The following TMX2 variants were observed in gnomAD, a reference collection of about 807,000 sequenced individuals.
The protein encoded by TMX2 is thioredoxin related transmembrane protein 2.
Under a neutral mutation model 33.4 loss-of-function variants are expected in TMX2, and 20 were observed. The ratio of observed to expected loss-of-function variants is 0.60; its 90% confidence interval spans 0.42 to 0.87. TMX2 has a LOEUF of 0.87. Among genes scored for constraint, TMX2 ranks in the 40% least tolerant of loss-of-function variants. The pLI, the probability that TMX2 is intolerant of heterozygous loss-of-function variation, is 0.00. For missense variants in TMX2, 340 were observed against 370.7 expected, an observed-to-expected ratio of 0.92 and a Z score of 0.68; for synonymous variants, 166 against 140.7, an observed-to-expected ratio of 1.18 and a Z score of -1.27.
At chr11:57,716,415 G>T (rs1389214840) in intron 1 of TMX2, among the ~76,000 whole-genome samples, 1 of 123,862 alleles carries the variant, frequency 8.1e-6, no homozygotes, top group Non-Finnish European at 1.8e-5. Context: ...CCTCCCTCCC[G>T]GACGGGGCGG....
intron 1 of TMX2, among the ~76,000 whole-genome samples, chr11:57,716,347 A>AC (rs1209557112): frequency 1.1e-5 from 1 of 87,738 alleles, no homozygotes; most frequent in Admixed American, 1.2e-4. Flanking sequence ...CGGGGGGCTG[A>AC]CCCCCACACC....
chr11:57,716,765 C>G (rs1209838319), intron 1 of TMX2, among the ~76,000 whole-genome samples: 1 of 148,774 alleles, frequency 6.7e-6, no homozygotes, highest in Non-Finnish European at 1.5e-5. Flanking sequence ...CAGAGGGGCT[C>G]CTCACTTCCC....
At chr11:57,717,745 A>T (rs1947265491) in intron 1 of TMX2, among the ~76,000 whole-genome samples, 1 of 59,910 alleles carries the variant, frequency 1.7e-5, no homozygotes, top group Non-Finnish European at 2.5e-5. Context: ...GAGAGGGGAG[A>T]GGGGAGAGGG....
At chr11:57,717,717 G>GGGAGA (rs1565214311) in intron 1 of TMX2, among the ~76,000 whole-genome samples, 2 of 54,584 alleles carry the variant, frequency 3.7e-5, no homozygotes, top group African/African-American at 1.0e-4. Context: ...GGGAGACCGA[G>GGGAGA]AGGGAGAGGG....
chr11:57,729,318 G>A (rs1196543009), intron 1 of TMX2, among the ~76,000 whole-genome samples: 1 of 151,948 alleles, frequency 6.6e-6, no homozygotes, highest in African/African-American at 2.4e-5. Context: ...AGAGTTCTAG[G>A]TTCTGTTTTT....
intron 1 of TMX2, among the ~76,000 whole-genome samples, chr11:57,732,639 T>G (rs532707526): frequency 6.6e-6 from 1 of 152,294 alleles, no homozygotes; most frequent in South Asian, 2.1e-4. Context: ...CCAATTTTTG[T>G]TTTTCTGGAA....
intron 1 of TMX2, among the ~76,000 whole-genome samples, chr11:57,724,027 AT>A (rs1385244953): frequency 1.3e-5 from 2 of 152,084 alleles, no homozygotes; most frequent in Admixed American, 1.3e-4. Context: ...ATGTAAAGGA[AT>A]TGTTCCATTT....
At chr11:57,717,606 G>A (rs886873082) in intron 1 of TMX2, among the ~76,000 whole-genome samples, 6 of 152,154 alleles carry the variant, frequency 3.9e-5, no homozygotes, top group African/African-American at 1.4e-4. Flanking sequence ...GGTGGGCTGA[G>A]GCAGGAGAAT....
chr11:57,727,163 T>G (rs997145778), intron 1 of TMX2, among the ~76,000 whole-genome samples: 7 of 151,454 alleles, frequency 4.6e-5, no homozygotes, highest in Non-Finnish European at 8.8e-5. Context: ...TGATCCGGGA[T>G]TTTTTTTTAG....
At chr11:57,729,690 T>G (rs1001999051) in intron 1 of TMX2, among the ~76,000 whole-genome samples, 2 of 151,562 alleles carry the variant, frequency 1.3e-5, no homozygotes, top group African/African-American at 4.9e-5. Flanking sequence ...AAAAAGGAGG[T>G]TGTTATGAGT....
intron 1 of TMX2, among the ~76,000 whole-genome samples, chr11:57,721,326 A>G (rs960167440): frequency 6.8e-6 from 1 of 147,548 alleles, no homozygotes; most frequent in Non-Finnish European, 1.5e-5. Flanking sequence ...TCAATGTTTT[A>G]TTTAAATAAA....
At chr11:57,733,449 G>C (rs1056739470) in intron 1 of TMX2, among the ~76,000 whole-genome samples, 2 of 151,784 alleles carry the variant, frequency 1.3e-5, no homozygotes, top group African/African-American at 4.8e-5. Context: ...GTAGAGACGG[G>C]TTTCACCATG....
chr11:57,722,179 A>G (rs1245228198), intron 1 of TMX2, among the ~76,000 whole-genome samples: 1 of 152,014 alleles, frequency 6.6e-6, no homozygotes, highest in Non-Finnish European at 1.5e-5. Flanking sequence ...TTTAAAAATC[A>G]TTTGTGGAGA....
chr11:57,716,658 G>C (rs71460549), intron 1 of TMX2, among the ~76,000 whole-genome samples: 35,555 of 127,292 alleles, frequency 0.28, 5,340 homozygotes, highest in Non-Finnish European at 0.3. Flanking sequence ...CTGGCCGAGC[G>C]GGGGGCTGAC....
chr11:57,733,400 G>A (rs1460693119), intron 1 of TMX2, among the ~76,000 whole-genome samples: 1 of 151,840 alleles, frequency 6.6e-6, no homozygotes, highest in African/African-American at 2.4e-5. Context: ...AACTACAGGT[G>A]CCCGCCATCA....
At chr11:57,738,135 TA>T in intron 3 of TMX2, 109 bp downstream of exon 3, 3 of 880,316 alleles carry the variant, frequency 3.4e-6, no homozygotes, top group Non-Finnish European at 5.3e-6. Flanking sequence ...TGTTTCTCCA[TA>T]CCCTTCTTCC....
At chr11:57,730,117 A>G (rs984691980) in intron 1 of TMX2, among the ~76,000 whole-genome samples, 8 of 140,144 alleles carry the variant, frequency 5.7e-5, no homozygotes, top group African/African-American at 1.8e-4. Flanking sequence ...CCACAAAAAA[A>G]AATAATTATA....
At chr11:57,736,883 CAA>C (rs759801548) in intron 1 of TMX2, among the ~76,000 whole-genome samples, 2 of 80,056 alleles carry the variant, frequency 2.5e-5, no homozygotes, top group Admixed American at 1.4e-4. Flanking sequence ...AAGACTGTCT[CAA>C]AAAAAAAAAA....
intron 1 of TMX2, among the ~76,000 whole-genome samples, chr11:57,718,690 CTG>C (rs1947347211): frequency 7.7e-6 from 1 of 129,306 alleles, no homozygotes. Context: ...GAGTCTCACT[CTG>C]TTGCCCAGGC....
Sources: allele counts gnomAD v4.1 joint callset (sites outside exome capture counted in the v4.1 genomes callset), GRCh38; gene constraint gnomAD v4.1.1; transcripts MANE v1.5; gene names NCBI Gene and HGNC (gene_info 2026-07-23, HGNC 2026-07-21).